The following ANO2 variants were observed in gnomAD, a reference collection of about 807,000 sequenced individuals.
ANO2 encodes the protein anoctamin-2.
In ANO2, 101 loss-of-function variants were observed where a neutral mutation model predicts 124.2. The ratio of observed to expected loss-of-function variants is 0.81; its 90% confidence interval spans 0.69 to 0.96. The LOEUF is 0.96. Among genes scored for constraint, ANO2 ranks in the 40% least tolerant of loss-of-function variants. The pLI is 0.00. For synonymous variants in ANO2, 486 were observed against 482.5 expected, an observed-to-expected ratio of 1.01 and a Z score of -0.09; for missense variants, 1,293 against 1,274.5, an observed-to-expected ratio of 1.01 and a Z score of -0.22.
chr12:5,671,939 T>C (rs892183354), intron 14 of ANO2, among the ~76,000 whole-genome samples: 3 of 152,152 alleles, frequency 2.0e-5, no homozygotes, highest in African/African-American at 7.2e-5. Context: ...GCTTGGAAGA[T>C]ATTGCTCAGT....
In ANO2 at chr12:5,799,532, T is replaced by G. The variant is rs988082880; in HGVS notation, c.1030A>C (p.Lys344Gln). Residue 344 changes from lysine to glutamine, a missense_variant, in exon 10 of 25, where the codon AAG becomes CAG. Physicochemically the swap from Lys to Gln is moderately conservative, Grantham distance 53. Coordinates refer to ENST00000682330, the MANE Select transcript of ANO2 (RefSeq NM_001364791.2). ...CTGATGAGGTCAATAGGTTGGAACT[T>G]ATAGAACACTCCATAGCGCGCCCAT... ...QEWARYGVFY[K>Q]FQPIDLIRKY... The G allele has an allele frequency of 6.2e-7, 1 of 1,613,944 alleles. No homozygotes were observed. Among genetic ancestry groups the G allele is most frequent in the Non-Finnish European group, 8.5e-7 (1 of 1,179,860 alleles).
chr12:5,783,806 G>A (rs1952467853), intron 10 of ANO2, among the ~76,000 whole-genome samples: 1 of 152,002 alleles, frequency 6.6e-6, no homozygotes, highest in African/African-American at 2.4e-5. Context: ...TATCATTCTT[G>A]TCCCACTCTG....
intron 10 of ANO2, among the ~76,000 whole-genome samples, chr12:5,796,133 ACACT>A (rs1193475895): frequency 2.0e-5 from 3 of 151,844 alleles, no homozygotes; most frequent in East Asian, 1.9e-4. Context: ...TCTCACACAC[ACACT>A]CACACACACA....
intron 4 of ANO2, among the ~76,000 whole-genome samples, chr12:5,837,293 C>T (rs867446113): frequency 0.01 from 983 of 95,396 alleles, no homozygotes; most frequent in Middle Eastern, 0.026. Context: ...ATGCAGATTT[C>T]TTTTTTTTTT....
chr12:5,615,631 G>A (rs1226444734), intron 16 of ANO2, among the ~76,000 whole-genome samples: 1 of 152,096 alleles, frequency 6.6e-6, no homozygotes, highest in Non-Finnish European at 1.5e-5. Flanking sequence ...TCTGCACCAA[G>A]GGGAATTCAG....
At chr12:5,889,107 C>G (rs1415402842) in intron 3 of ANO2, among the ~76,000 whole-genome samples, 1 of 152,256 alleles carries the variant, frequency 6.6e-6, no homozygotes, top group African/African-American at 2.4e-5. Context: ...AAGCCTCTCA[C>G]TGCCCACGGC....
At chr12:5,788,043 A>T (rs1952586237) in intron 10 of ANO2, among the ~76,000 whole-genome samples, 1 of 152,180 alleles carries the variant, frequency 6.6e-6, no homozygotes, top group Admixed American at 6.5e-5. Context: ...TGGCCAATGG[A>T]ATGCTAGCAA....
At chr12:5,582,943 T>C (rs1942834541) in intron 20 of ANO2, among the ~76,000 whole-genome samples, 1 of 152,152 alleles carries the variant, frequency 6.6e-6, no homozygotes, top group Non-Finnish European at 1.5e-5. Context: ...GCCTTGGGCA[T>C]CTCTCATCCT....
At chr12:5,598,201 G>A (rs373628819) in intron 20 of ANO2, among the ~76,000 whole-genome samples, 2 of 152,306 alleles carry the variant, frequency 1.3e-5, no homozygotes, top group South Asian at 4.1e-4. Context: ...TCTGCTACAA[G>A]TGACTAGGTG....
chr12:5,845,039 A>C (rs183073169), intron 4 of ANO2, among the ~76,000 whole-genome samples: 1 of 150,678 alleles, frequency 6.6e-6, no homozygotes, highest in East Asian at 2.0e-4. Context: ...TGGGAGGCAG[A>C]GGTGGGTGGA....
intron 14 of ANO2, among the ~76,000 whole-genome samples, chr12:5,724,954 C>T (rs1179766859): frequency 3.3e-5 from 5 of 152,062 alleles, no homozygotes; most frequent in African/African-American, 9.7e-5. Flanking sequence ...CCATTAGCCC[C>T]CCATCTCTAC....
chr12:5,620,268 G>A (rs1367225056), intron 16 of ANO2, among the ~76,000 whole-genome samples: 4 of 152,210 alleles, frequency 2.6e-5, no homozygotes, highest in Non-Finnish European at 5.9e-5. Flanking sequence ...AAAGGCAGCA[G>A]AGCCAGGGGA....
chr12:5,905,985 G>T (rs769730179), intron 3 of ANO2, among the ~76,000 whole-genome samples: 1 of 152,302 alleles, frequency 6.6e-6, no homozygotes, highest in East Asian at 1.9e-4. Context: ...TCTCCTCAGG[G>T]TGGGTGGCTC....
chr12:5,935,188 A>G (rs530547043), intron 1 of ANO2, among the ~76,000 whole-genome samples: 2 of 152,360 alleles, frequency 1.3e-5, no homozygotes, highest in East Asian at 3.9e-4. Flanking sequence ...GGCTAGTTGC[A>G]CACTGCTTGA....
intron 3 of ANO2, among the ~76,000 whole-genome samples, chr12:5,914,269 C>T (rs575104085): frequency 6.6e-6 from 1 of 152,154 alleles, no homozygotes; most frequent in East Asian, 1.9e-4. Flanking sequence ...GCTAAATGGG[C>T]CTCCCTGGGA....
chr12:5,654,560 C>T (rs980758253), intron 14 of ANO2, among the ~76,000 whole-genome samples: 1 of 152,128 alleles, frequency 6.6e-6, no homozygotes, highest in Non-Finnish European at 1.5e-5. Context: ...GGGGGGCACA[C>T]CATTCAGCCA....
chr12:5,828,920 C>G (rs1485079413), intron 6 of ANO2, among the ~76,000 whole-genome samples: 1 of 152,210 alleles, frequency 6.6e-6, no homozygotes, highest in Admixed American at 6.5e-5. Context: ...GGGTGAGGTC[C>G]TCCAACCAAA....
intron 14 of ANO2, among the ~76,000 whole-genome samples, chr12:5,656,477 C>G (rs1334976710): frequency 5.1e-5 from 3 of 59,324 alleles, no homozygotes; most frequent in Non-Finnish European, 1.1e-4. Context: ...ATTTGATCAG[C>G]CCCAGTTGTC....
In ANO2 at chr12:5,645,414, CGTGTGTGTGTGAAT is replaced by C. The variant is rs1263864826; in HGVS notation, c.1620+2299_1620+2312del. Among the ~76,000 whole-genome samples, 203 of 151,116 alleles carry C rather than the reference CGTGTGTGTGTGAAT, an allele frequency of 1.3e-3. 1 individual carries two copies. Among genetic ancestry groups the C allele is most frequent in the African/African-American group, 4.0e-3 (163 of 40,934 alleles). On this transcript the variant is annotated intron_variant, in intron 15 of 24. Coordinates refer to ENST00000682330, the MANE Select transcript of ANO2 (RefSeq NM_001364791.2). ...AAGAAAAAACAAATCTATCCATGGTCGTGTGTGTGTGAATGTGTGTGTGTGTGTGTGTACACATA... is the reference window on the plus strand; with the variant it reads ...AAGAAAAAACAAATCTATCCATGGTCGTGTGTGTGTGTGTGTGTACACATA...
Sources: gnomAD v4.1 joint callset for allele counts (sites outside exome capture counted in the v4.1 genomes callset) on GRCh38, gnomAD v4.1.1 for gene constraint, MANE v1.5 for transcripts, NCBI Gene and HGNC (gene_info 2026-07-23, HGNC 2026-07-21) for gene names.